Variants in USF3 observed in about 807,000 individuals in gnomAD.
USF3 encodes basic helix-loop-helix domain-containing protein USF3.
A neutral mutation model predicts 157.5 loss-of-function variants in USF3; 29 were observed. That is an observed-to-expected ratio of 0.18 (90% CI 0.14 to 0.25). USF3 has a LOEUF of 0.25. Among genes scored for constraint, USF3 ranks in the 10% least tolerant of loss-of-function variants. The pLI is 1.00. For synonymous variants in USF3, 893 were observed against 941.4 expected (o/e 0.95, Z 0.94); for missense variants, 2,381 against 2,667.6 (o/e 0.89, Z 2.37).
chr3:113,652,843 C>G lies in USF3; in HGVS notation c.*2101G>C, dbSNP rs1231622375. ...TAGTGGCACAGACCTGTAATCTCAG[C>G]TACTCGGGAGGCTGAGGCTCAAGAA... On this transcript the variant is annotated 3_prime_UTR_variant, in exon 7 of 7. Coordinates refer to ENST00000316407, the MANE Select transcript of USF3 (RefSeq NM_001009899.4). 4.4e-6 allele frequency: 1 copy of G among 225,472 alleles called. No individual in the cohort carries two copies. The highest frequency in any genetic ancestry group is 1.2e-4 in the East Asian group (1 of 8,206). 14.0% of individuals were successfully genotyped at this position (225,472 alleles called of 1,614,324 possible). A position where few individuals can be genotyped will look rare whatever the true frequency, so the allele number is the denominator to read the frequency against.
At chr3:113,694,768 G>A (rs183386795) in intron 1 of USF3, among the ~76,000 whole-genome samples, 3 of 152,330 alleles carry the variant, frequency 2.0e-5, no homozygotes, top group Admixed American at 2.0e-4. Context: ...TTTGAGGCCG[G>A]GCGCAGCGGC....
chr3:113,692,680 T>A (rs1183049733), intron 1 of USF3, among the ~76,000 whole-genome samples: 2 of 152,192 alleles, frequency 1.3e-5, no homozygotes, highest in Non-Finnish European at 2.9e-5. Flanking sequence ...GTTGGGCACA[T>A]GGTAAATAAT....
chr3:113,666,107 C>T (rs1471447769), intron 5 of USF3, among the ~76,000 whole-genome samples: 2 of 151,662 alleles, frequency 1.3e-5, no homozygotes, highest in African/African-American at 4.8e-5. Flanking sequence ...TCACTTGAAC[C>T]CAGGAGGAGG....
chr3:113,657,023 G>A lies in USF3; in HGVS notation c.4659C>T (p.Gly1553=), dbSNP rs745782263. 5 of 1,614,024 alleles carry A rather than the reference G, an allele frequency of 3.1e-6. No homozygotes were observed. In the Admixed American group the frequency reaches 5.0e-5, roughly 16 times the overall value. The change falls in exon 7 of 7, where the codon GGC becomes GGT. Residue 1553 remains glycine, a synonymous_variant. Transcript: ENST00000316407. ...HGTDQSRSKT[G]QPHPHHQQMQ... ...TCTGCTGATGGTGGGGATGTGGCTGGCCAGTCTTGGATCGGGATTGGTCAG... is the reference window on the plus strand; with the variant it reads ...TCTGCTGATGGTGGGGATGTGGCTGACCAGTCTTGGATCGGGATTGGTCAG...
rs1947283930 is a variant in USF3 at position 113,652,622 on chromosome 3, C to G, written c.*2322G>C. On this transcript the variant is annotated 3_prime_UTR_variant, in exon 7 of 7. Transcript: ENST00000316407. ...TAGAAGAGGTATTCACTGGAGTTAA[C>G]TGCTCTGACCAACCCTTAGGAAGCT... 6.6e-6 allele frequency: 1 copy of G among 151,782 alleles called. No individual in the cohort carries two copies. The highest frequency in any genetic ancestry group is 1.5e-5 in the Non-Finnish European group (1 of 68,222). The allele number at this position is 151,782 out of a possible 1,614,324, so 9.4% of individuals were successfully genotyped here.
Position 113,670,090 on chromosome 3 carries a change from T to C in USF3, c.159+31A>G, listed in dbSNP as rs750366037. 4.3e-6 allele frequency: 6 copies of C among 1,404,100 alleles called. No homozygotes were observed. In the South Asian group the frequency reaches 4.6e-5, roughly 11 times the overall value. 87.0% of individuals were successfully genotyped at this position (1,404,100 alleles called of 1,614,324 possible). On this transcript the variant is annotated intron_variant, in intron 5 of 6. Transcript: ENST00000316407. ...ACTTAGGGAATTGTCTGTTCATAAGTAATGAATGAAGATATGAGTAGACTT... is the reference window on the plus strand; with the variant it reads ...ACTTAGGGAATTGTCTGTTCATAAGCAATGAATGAAGATATGAGTAGACTT...
At position 113,649,949 on chromosome 3, in the gene USF3, A is replaced by G. The variant is rs1947232645; in HGVS notation, c.*4995T>C. On this transcript the variant is annotated 3_prime_UTR_variant, in exon 7 of 7. Coordinates refer to ENST00000316407, the MANE Select transcript of USF3 (RefSeq NM_001009899.4). ...GAAAGAAAAATGGTAATGTTCAGCC[A>G]AAAAGGCATCTTGAGAAGAAACTAA... 3 of 673,350 alleles carry G rather than the reference A, an allele frequency of 4.5e-6. No individual in the cohort carries two copies. The South Asian group carries it at 4.8e-5, about 11-fold the overall frequency. 41.7% of individuals were successfully genotyped at this position (673,350 alleles called of 1,614,324 possible).
chr3:113,653,851 T>C lies in USF3; in HGVS notation c.*1093A>G, dbSNP rs1180252437. 1 of 152,182 alleles carries C rather than the reference T, an allele frequency of 6.6e-6. No individual in the cohort carries two copies. The highest frequency in any genetic ancestry group is 1.9e-4 in the East Asian group (1 of 5,200). The allele number at this position is 152,182 out of a possible 1,614,324, so 9.4% of individuals were successfully genotyped here. The stretch of plus-strand genomic sequence containing the variant: ...AAATAACAAATTCATATTCTCATTA[T>C]AATTCTGTTATGAAGGATAATAATG... On this transcript the variant is annotated 3_prime_UTR_variant, in exon 7 of 7. Coordinates refer to ENST00000316407, the MANE Select transcript of USF3 (RefSeq NM_001009899.4).
At position 113,670,102 on chromosome 3, in the gene USF3, A is replaced by G. The variant is rs748227141; in HGVS notation, c.159+19T>C. 6.6e-7 allele frequency: 1 copy of G among 1,510,848 alleles called. No homozygotes were observed. The highest frequency in any genetic ancestry group is 1.1e-5 in the South Asian group (1 of 89,072). 93.6% of individuals were successfully genotyped at this position (1,510,848 alleles called of 1,614,324 possible). On this transcript the variant is annotated intron_variant, in intron 5 of 6. Transcript: ENST00000316407. ...GTCTGTTCATAAGTAATGAATGAAG[A>G]TATGAGTAGACTTCTTACCTGCTTC... is the stretch of plus-strand genomic sequence containing the variant.
intron 1 of USF3, among the ~76,000 whole-genome samples, chr3:113,679,803 C>G (rs1186971851): frequency 6.6e-6 from 1 of 152,116 alleles, no homozygotes; most frequent in Non-Finnish European, 1.5e-5. Context: ...CATAGAACTT[C>G]ATATAAATGT....
Position 113,659,949 on chromosome 3 carries a change from T to G in USF3, c.1733A>C (p.Gln578Pro). The G allele has an allele frequency of 6.2e-7, 1 of 1,614,220 alleles. No individual in the cohort carries two copies. The highest frequency in any genetic ancestry group is 8.5e-7 in the Non-Finnish European group (1 of 1,180,028). The change falls in exon 7 of 7, where the codon CAA (glutamine) becomes CCA (proline). Residue 578 changes from glutamine to proline, a missense_variant. Physicochemically the swap from Gln to Pro is moderately conservative, Grantham distance 76. Coordinates refer to ENST00000316407, the MANE Select transcript of USF3 (RefSeq NM_001009899.4). ...AGCAGCCTGTATGATTACTATCTGTTGACCTACTGTTTGGTTGGAAACTTC... is the reference window on the plus strand; with the variant it reads ...AGCAGCCTGTATGATTACTATCTGTGGACCTACTGTTTGGTTGGAAACTTC... ...RAEVSNQTVGQQIVIIQAANQ... is the reference protein window; with the variant it reads ...RAEVSNQTVGPQIVIIQAANQ...
chr3:113,659,852 A>G lies in USF3; in HGVS notation c.1830T>C (p.Asn610=). ...CTGAATTATTAGACCCTATTACAGT[A>G]TTGGCTCCATTGATGGGGAGTCGAA... ...GSVRLPINGA[N]TVIGSNNSVQ... Residue 610 remains asparagine (N), a synonymous_variant, in exon 7 of 7, where the codon AAT becomes AAC. Coordinates refer to ENST00000316407, the MANE Select transcript of USF3 (RefSeq NM_001009899.4). The G allele has an allele frequency of 1.2e-6, 2 of 1,614,230 alleles. No homozygotes were observed. Among genetic ancestry groups the G allele is most frequent in the East Asian group, 4.5e-5 (2 of 44,890 alleles).
chr3:113,683,761 C>A (rs777907404), intron 1 of USF3, among the ~76,000 whole-genome samples: 11 of 151,878 alleles, frequency 7.2e-5, no homozygotes, highest in Non-Finnish European at 1.6e-4. Flanking sequence ...GCCACCGTGC[C>A]CAGCCCATCC....
chr3:113,658,773 G>C lies in USF3; in HGVS notation c.2909C>G (p.Thr970Ser). 1.2e-6 allele frequency: 2 copies of C among 1,614,140 alleles called. No homozygotes were observed. The highest frequency in any genetic ancestry group is 1.7e-6 in the Non-Finnish European group (2 of 1,180,034). ...GATTTCTACCTCAGAAACACAGTCAGTACTTGTAGTGCTTGTTGTAGATGA... is the reference window on the plus strand; with the variant it reads ...GATTTCTACCTCAGAAACACAGTCACTACTTGTAGTGCTTGTTGTAGATGA... ...GLSSTTSTTS[T>S]DCVSEVEIIA... is the part of the protein sequence containing the mutation. Residue 970 changes from threonine (T) to serine (S), a missense_variant, in exon 7 of 7, where the codon ACT becomes AGT. Transcript: ENST00000316407.
At chr3:113,685,845 T>C (rs1401834964) in intron 1 of USF3, among the ~76,000 whole-genome samples, 1 of 152,148 alleles carries the variant, frequency 6.6e-6, no homozygotes, top group East Asian at 1.9e-4. Flanking sequence ...CCAGAAGCTA[T>C]GGTCTAGAAT....
At chr3:113,666,835 G>A (rs930098205) in intron 5 of USF3, among the ~76,000 whole-genome samples, 9 of 150,150 alleles carry the variant, frequency 6.0e-5, no homozygotes, top group Non-Finnish European at 1.2e-4. Flanking sequence ...TTATCTGCCC[G>A]CCTCGGTCTC....
rs372909335 is a variant in USF3, at chr3:113,648,598, G to A, written c.*6346C>T. 1 of 152,472 alleles carries A rather than the reference G, an allele frequency of 6.6e-6. No individual in the cohort carries two copies. The highest frequency in any genetic ancestry group is 1.5e-5 in the Non-Finnish European group (1 of 68,020). 9.4% of individuals were successfully genotyped at this position (152,472 alleles called of 1,614,324 possible). A position where few individuals can be genotyped will look rare whatever the true frequency, so the allele number is the denominator to read the frequency against. On this transcript the variant is annotated 3_prime_UTR_variant, in exon 7 of 7. Transcript: ENST00000316407. ...GGACCTATTCTTATTTACAACTGTA[G>A]GACAATCCTGATCATATTATACATA...
Position 113,649,881 on chromosome 3 carries a change from T to G in USF3, c.*5063A>C, listed in dbSNP as rs947090907. The G allele has an allele frequency of 5.7e-6, 4 of 701,992 alleles. No homozygotes were observed. In the African/African-American group the frequency reaches 7.0e-5, roughly 12 times the overall value. The allele number at this position is 701,992 out of a possible 1,614,324, so 43.5% of individuals were successfully genotyped here. On this transcript the variant is annotated 3_prime_UTR_variant, in exon 7 of 7. Coordinates refer to ENST00000316407, the MANE Select transcript of USF3 (RefSeq NM_001009899.4). The stretch of plus-strand genomic sequence containing the variant: ...CATGAAGAATAGAATGCAGACAGAA[T>G]ATAGTTAAATCCAAAAAAGGCCCTT...
intron 4 of USF3, 82 bp from the exon 5 acceptor site, chr3:113,670,285 G>C (rs1010454174): frequency 4.9e-6 from 4 of 812,560 alleles, no homozygotes; most frequent in Non-Finnish European, 6.5e-6. Context: ...AGAAGTTTTA[G>C]GTAAAGAAAT....
Sources: allele counts gnomAD v4.1 joint callset (sites outside exome capture counted in the v4.1 genomes callset), GRCh38; gene constraint gnomAD v4.1.1; transcripts MANE v1.5; gene names NCBI Gene and HGNC (gene_info 2026-07-23, HGNC 2026-07-21).